ZFHX3: variants seen among roughly 807,000 people sequenced by gnomAD.
The protein encoded by ZFHX3 is zinc finger homeobox 3.
ZFHX3 carries 42 observed loss-of-function variants against 279.1 expected under a neutral mutation model. That is an observed-to-expected ratio of 0.15 (90% CI 0.12 to 0.19). ZFHX3 has a LOEUF of 0.19. Among genes scored for constraint, ZFHX3 ranks in the 10% least tolerant of loss-of-function variants. ZFHX3 has a pLI of 1.00. For missense variants in ZFHX3, 4,981 were observed against 4,754.0 expected (o/e 1.05, Z -1.40); for synonymous variants, 2,293 against 1,957.8 (o/e 1.17, Z -4.52).
At chr16:73,887,888 T>C (rs1207899367) in intron 1 of ZFHX3, among the ~76,000 whole-genome samples, 1 of 152,112 alleles carries the variant, frequency 6.6e-6, no homozygotes, top group East Asian at 1.9e-4. Context: ...TCCACCTCTT[T>C]GGAATGATGA....
At chr16:72,924,572 G>A (rs796203795) in intron 3 of ZFHX3, among the ~76,000 whole-genome samples, 19 of 152,328 alleles carry the variant, frequency 1.2e-4, no homozygotes, top group African/African-American at 4.1e-4. Context: ...TTCTCAGGCC[G>A]AATGAGGGTG....
chr16:72,971,531 T>C (rs1373907256), intron 1 of ZFHX3, among the ~76,000 whole-genome samples: 1 of 152,184 alleles, frequency 6.6e-6, no homozygotes, highest in Admixed American at 6.5e-5. Context: ...AAGCCTCCCT[T>C]ACCACTCTAA....
At position 73,157,563 on chromosome 16, in the gene ZFHX3, G is replaced by C. The variant is rs558031226; in HGVS notation, c.-1103-13732C>G. Among the ~76,000 whole-genome samples the C allele has an allele frequency of 5.4e-5, 8 of 149,502 alleles. No homozygotes were observed. The South Asian group carries it at 1.7e-3, about 32-fold the overall frequency. On this transcript the variant is annotated intron_variant, in intron 5 of 17. Coordinates refer to the ZFHX3 transcript ENST00000641206. Reference sequence around the variant, plus strand: ...CAGCTCCTCCTTAAAAAAGGGGGTCGAGTCACTATCCCTTAGCAGTTCATT... The same window carrying C: ...CAGCTCCTCCTTAAAAAAGGGGGTCCAGTCACTATCCCTTAGCAGTTCATT...
chr16:73,786,607 G>T (rs1959654716), intron 1 of ZFHX3, among the ~76,000 whole-genome samples: 1 of 152,140 alleles, frequency 6.6e-6, no homozygotes, highest in South Asian at 2.1e-4. Flanking sequence ...CAAGTGGCAG[G>T]GGGGGCCAAA....
chr16:72,980,871 T>C (rs755878249), intron 1 of ZFHX3, among the ~76,000 whole-genome samples: 15 of 152,212 alleles, frequency 9.9e-5, no homozygotes, highest in Non-Finnish European at 1.8e-4. Context: ...GGAACAAATC[T>C]AGCCAAAAGT....
intron 1 of ZFHX3, among the ~76,000 whole-genome samples, chr16:73,846,309 T>C (rs973806849): frequency 3.9e-5 from 6 of 152,036 alleles, no homozygotes; most frequent in Non-Finnish European, 2.9e-5. Context: ...GCTTAAAAAA[T>C]AGGAGCGTCT....
In ZFHX3 at chr16:72,788,021, G is replaced by T. The variant is rs748010259; in HGVS notation, c.10255C>A (p.Pro3419Thr). 3.0e-5 allele frequency: 48 copies of T among 1,613,172 alleles called. No homozygotes were observed. Among genetic ancestry groups the T allele is most frequent in the Non-Finnish European group, 3.2e-5 (38 of 1,179,996 alleles). The change falls in exon 10 of 10, where the codon CCC (proline) becomes ACC (threonine). Residue 3419 changes from proline to threonine, a missense_variant. Pro to Thr is a conservative substitution (Grantham distance 38, BLOSUM62 -1). Around this residue, in one of 7 missense-constraint regions of ZFHX3, gnomAD observed 1,034 missense variants for 786.0 expected, o/e 1.32. Coordinates refer to ENST00000268489, the MANE Select transcript of ZFHX3 (RefSeq NM_006885.4). Reference protein sequence around the residue: ...SPDKDPAKESPKPEEQKNTPR... With the variant: ...SPDKDPAKESTKPEEQKNTPR... ...GTGTTTTTCTGTTCTTCTGGTTTGG[G>T]GGATTCTTTGGCAGGGTCTTTGTCT...
intron 3 of ZFHX3, among the ~76,000 whole-genome samples, chr16:73,392,791 T>G (rs886124983): frequency 6.6e-6 from 1 of 152,088 alleles, no homozygotes; most frequent in Non-Finnish European, 1.5e-5. Context: ...AGATGAAACG[T>G]CGAATAAGGC....
At position 72,957,510 on chromosome 16, in the gene ZFHX3, C is replaced by G. The variant is rs1221377291; in HGVS notation, c.2636G>C (p.Ser879Thr). The change falls in exon 2 of 10, where the codon AGT becomes ACT. Residue 879 changes from serine to threonine, a missense_variant. Physicochemically the swap from Ser to Thr is moderately conservative, Grantham distance 58. Coordinates refer to ENST00000268489, the MANE Select transcript of ZFHX3 (RefSeq NM_006885.4). ...CATGAACTGGGCGTCCGAGGCAGCA[C>G]TGTCCATCTTCAGGTTGGGCAGGTT... ...NMNLPNLKMD[S>T]AASDAQFMMS... 6.2e-7 allele frequency: 1 copy of G among 1,614,184 alleles called. No homozygotes were observed. The highest frequency in any genetic ancestry group is 1.7e-5 in the Admixed American group (1 of 60,024).
At chr16:73,666,466 A>T (rs2052843391) in intron 2 of ZFHX3, among the ~76,000 whole-genome samples, 1 of 151,868 alleles carries the variant, frequency 6.6e-6, no homozygotes, top group African/African-American at 2.4e-5. Context: ...AGATTCCTTG[A>T]AGGGATGATG....
intron 1 of ZFHX3, among the ~76,000 whole-genome samples, chr16:73,003,943 G>C (rs1435482221): frequency 8.6e-6 from 1 of 115,664 alleles, no homozygotes; most frequent in African/African-American, 4.2e-5. Context: ...CAGGGTATTT[G>C]CTTTTTTTTT....
chr16:73,052,583 T>G (rs1965470931), upstream of ZFHX3, among the ~76,000 whole-genome samples: 1 of 152,196 alleles, frequency 6.6e-6, no homozygotes. Context: ...AGCCAGTGTT[T>G]TAGAATTTGG....
chr16:72,854,943 G>GT (rs1245027205), intron 4 of ZFHX3, among the ~76,000 whole-genome samples: 3 of 110,704 alleles, frequency 2.7e-5, no homozygotes. Context: ...GTGGGTGGGG[G>GT]GGGGGTGTCA....
chr16:73,073,838 C>T (rs569356399), intron 8 of ZFHX3, among the ~76,000 whole-genome samples: 7 of 152,258 alleles, frequency 4.6e-5, no homozygotes, highest in Non-Finnish European at 8.8e-5. Context: ...TAGATAACTC[C>T]GTTGGTCAAT....
intron 7 of ZFHX3, among the ~76,000 whole-genome samples, chr16:73,130,514 G>A (rs982259692): frequency 6.6e-6 from 1 of 152,224 alleles, no homozygotes; most frequent in East Asian, 1.9e-4. Flanking sequence ...CTGGCGTGGA[G>A]CCAGAGACTG....
intron 4 of ZFHX3, among the ~76,000 whole-genome samples, chr16:72,857,983 G>A (rs534005600): frequency 8.9e-4 from 136 of 152,324 alleles, no homozygotes; most frequent in African/African-American, 2.9e-3. Flanking sequence ...ACCAGGGCCC[G>A]CTGCTCCTCA....
intron 4 of ZFHX3, among the ~76,000 whole-genome samples, chr16:73,265,078 C>CGCGT (rs2013936235): frequency 6.9e-6 from 1 of 145,928 alleles, no homozygotes; most frequent in East Asian, 2.0e-4. Context: ...CGCATATATG[C>CGCGT]GTGTGTGTGT....
chr16:73,619,446 C>T (rs187006194), intron 2 of ZFHX3, among the ~76,000 whole-genome samples: 31 of 150,200 alleles, frequency 2.1e-4, no homozygotes, highest in African/African-American at 3.7e-4. Context: ...GGAGATCGTG[C>T]CACTGCACTT....
intron 5 of ZFHX3, among the ~76,000 whole-genome samples, chr16:73,211,204 C>A (rs945516259): frequency 6.6e-6 from 1 of 152,138 alleles, no homozygotes; most frequent in African/African-American, 2.4e-5. Flanking sequence ...ACTTTCTTCA[C>A]AATCATTTTT....
Sources: gnomAD v4.1 joint callset for allele counts (sites outside exome capture counted in the v4.1 genomes callset) on GRCh38, gnomAD v4.1.1 for gene constraint, gnomAD v4.1.1 regional missense constraint, MANE v1.5 for transcripts, NCBI Gene and HGNC (gene_info 2026-07-23, HGNC 2026-07-21) for gene names.